Variants in VWA8 observed in about 807,000 individuals in gnomAD.
VWA8 encodes the protein von Willebrand factor A domain-containing protein 8.
Under a neutral mutation model 241.5 loss-of-function variants are expected in VWA8, and 221 were observed. The observed-to-expected ratio is 0.91, with a 90% CI of 0.82 to 1.02. The LOEUF is 1.02. Among genes scored for constraint, VWA8 ranks in the 50% least tolerant of loss-of-function variants. VWA8 has a pLI of 0.00. For missense variants in VWA8, 2,322 were observed against 2,328.7 expected (o/e 1.00, Z 0.06); for synonymous variants, 852 against 827.1 (o/e 1.03, Z -0.52).
rs546576715 is a variant in VWA8, at chr13:41,953,681, T to C, written c.164-3668A>G. Among the ~76,000 whole-genome samples, 7 of 152,230 alleles carry C rather than the reference T, an allele frequency of 4.6e-5. No homozygotes were observed. In the South Asian group the frequency reaches 1.5e-3, roughly 32 times the overall value. On this transcript the variant is annotated intron_variant, in intron 1 of 44. Coordinates refer to ENST00000379310, the MANE Select transcript of VWA8 (RefSeq NM_015058.2). ...TTAGCTGAGCGTGGTGGCTGGCACA[T>C]GCCTGTAATCCTAGCTACTTGGGAG...
intron 9 of VWA8, 61 bp from the exon 10 acceptor site, chr13:41,868,538 C>T: frequency 6.5e-7 from 1 of 1,534,410 alleles, no homozygotes; most frequent in Non-Finnish European, 8.8e-7. Context: ...CATTGGCTAT[C>T]TGACAGATTA....
chr13:41,740,929 C>A (rs1191596264), intron 21 of VWA8, among the ~76,000 whole-genome samples: 1 of 152,148 alleles, frequency 6.6e-6, no homozygotes, highest in Non-Finnish European at 1.5e-5. Context: ...GGCATGTTTA[C>A]AGAGGCAAAA....
chr13:41,872,410 C>T lies in VWA8; in HGVS notation c.1081-3933G>A, dbSNP rs910539651. 6.6e-5 allele frequency among the ~76,000 whole-genome samples: 10 copies of T among 152,048 alleles called. No homozygotes were observed. The South Asian group carries it at 8.3e-4, about 13-fold the overall frequency. ...CCTATGCCCTGAATGGTAATGCCTA[C>T]GTTTTCTTCTAGGGTTTTTATGGTT... On this transcript the variant is annotated intron_variant, in intron 9 of 44. Transcript: ENST00000379310.
At chr13:41,913,912 G>T (rs1174548274) in intron 2 of VWA8, among the ~76,000 whole-genome samples, 1 of 152,210 alleles carries the variant, frequency 6.6e-6, no homozygotes, top group Non-Finnish European at 1.5e-5. Context: ...GTTCCTGGAA[G>T]GGGGACTTGA....
chr13:41,725,751 G>A (rs575891460), intron 24 of VWA8, among the ~76,000 whole-genome samples: 411 of 152,230 alleles, frequency 2.7e-3, no homozygotes, highest in Middle Eastern at 6.8e-3. Context: ...GAGTGGCTTG[G>A]GGTATAAGGG....
In VWA8 at chr13:41,941,816, C is replaced by G. The variant is rs148983366; in HGVS notation, c.241+8120G>C. Among the ~76,000 whole-genome samples the G allele has an allele frequency of 5.7e-4, 87 of 152,070 alleles. 2 individuals carry two copies. In the East Asian group the frequency reaches 0.016, roughly 28 times the overall value. On this transcript the variant is annotated intron_variant, in intron 2 of 44. Coordinates refer to ENST00000379310, the MANE Select transcript of VWA8 (RefSeq NM_015058.2). Reference sequence around the variant, plus strand: ...TATCTGTGAAGTTGAAACAATCACCCCTATACAGTCAAGGAGGCTCAGAGC... The same window carrying G: ...TATCTGTGAAGTTGAAACAATCACCGCTATACAGTCAAGGAGGCTCAGAGC...
chr13:41,841,658 C>T (rs1439239792), intron 12 of VWA8, among the ~76,000 whole-genome samples: 19 of 148,204 alleles, frequency 1.3e-4, no homozygotes, highest in Admixed American at 5.4e-4. Context: ...TGGTGGCGGG[C>T]GCCTGTAGTC....
At chr13:41,689,566 T>G in intron 33 of VWA8, 58 bp from the exon 34 acceptor site, 5 of 1,422,478 alleles carry the variant, frequency 3.5e-6, no homozygotes, top group Non-Finnish European at 4.6e-6. Flanking sequence ...GAATTAATTT[T>G]TTGCAAGATT....
intron 17 of VWA8, among the ~76,000 whole-genome samples, chr13:41,800,630 T>C (rs1345619368): frequency 6.2e-5 from 3 of 48,696 alleles, no homozygotes; most frequent in Non-Finnish European, 1.1e-4. Flanking sequence ...CTACTAAAAA[T>C]ACAAAAAAAA....
intron 35 of VWA8, among the ~76,000 whole-genome samples, chr13:41,680,096 A>C (rs912243676): frequency 1.3e-4 from 19 of 151,934 alleles, no homozygotes; most frequent in African/African-American, 4.4e-4. Flanking sequence ...CAGTGCTTAT[A>C]TTATTATAAT....
chr13:41,825,733 A>G (rs565329269), intron 14 of VWA8, among the ~76,000 whole-genome samples: 1 of 152,366 alleles, frequency 6.6e-6, no homozygotes, highest in Non-Finnish European at 1.5e-5. Flanking sequence ...ACTATTAGAA[A>G]TAATCACTTT....
At chr13:41,622,093 A>G (rs1004518441) in intron 37 of VWA8, among the ~76,000 whole-genome samples, 9 of 152,208 alleles carry the variant, frequency 5.9e-5, no homozygotes, top group African/African-American at 2.2e-4. Context: ...CATTTTATGA[A>G]TGCCACTCAC....
intron 12 of VWA8, among the ~76,000 whole-genome samples, chr13:41,846,460 A>C (rs185076747): frequency 2.6e-5 from 4 of 152,288 alleles, no homozygotes; most frequent in Non-Finnish European, 2.9e-5. Context: ...AAATGAGTAA[A>C]ATATCTTTAG....
chr13:41,901,889 A>AAAATAT (rs1566500253), intron 4 of VWA8, among the ~76,000 whole-genome samples: 2 of 83,342 alleles, frequency 2.4e-5, no homozygotes, highest in African/African-American at 1.0e-4. Context: ...AAAAAAAAAA[A>AAAATAT]ATATATATAT....
At position 41,895,309 on chromosome 13, in the gene VWA8, A is replaced by C. The variant is rs539342122; in HGVS notation, c.484-3722T>G. Among the ~76,000 whole-genome samples, 256 of 152,318 alleles carry C rather than the reference A, an allele frequency of 1.7e-3. 2 individuals carry two copies. Among genetic ancestry groups the C allele is most frequent in the African/African-American group, 5.7e-3 (235 of 41,568 alleles). Reference sequence around the variant, plus strand: ...TTGAAAATTGCATGGCTAAAATTTTAGCCTGTCCTTAAATTGAAAGAAAAC... The same window carrying C: ...TTGAAAATTGCATGGCTAAAATTTTCGCCTGTCCTTAAATTGAAAGAAAAC... On this transcript the variant is annotated intron_variant, in intron 4 of 44. Coordinates refer to ENST00000379310, the MANE Select transcript of VWA8 (RefSeq NM_015058.2).
chr13:41,831,152 A>C (rs920148405), intron 13 of VWA8, among the ~76,000 whole-genome samples: 4 of 152,230 alleles, frequency 2.6e-5, no homozygotes, highest in Admixed American at 6.5e-5. Flanking sequence ...CACACATAGC[A>C]TAGTCTTCCA....
Position 41,889,693 on chromosome 13 carries a change from G to A in VWA8, c.651+1727C>T, listed in dbSNP as rs184910430. Among the ~76,000 whole-genome samples the A allele has an allele frequency of 2.8e-4, 42 of 152,144 alleles. 1 individual carries two copies. In the East Asian group the frequency reaches 7.7e-3, roughly 28 times the overall value. ...TGCACCCAGCCACTAAACCTCTTTTGACTCGCATATCCTGAATTCCTATCC... is the reference window on the plus strand; with the variant it reads ...TGCACCCAGCCACTAAACCTCTTTTAACTCGCATATCCTGAATTCCTATCC... On this transcript the variant is annotated intron_variant, in intron 5 of 44. Transcript: ENST00000379310.
rs2045233929 is a variant in VWA8 at position 41,699,176 on chromosome 13, A to G, written c.3459T>C (p.Phe1153=). ...TGGCTGTTCTTGGGAAGATATCAAA[A>G]AAGTCCACAAAGAAGCCACTTTTCC... ...MTGKSGFFVD[F]FDIFPRTANG... is the part of the protein sequence containing the mutation. The change falls in exon 29 of 45, where the codon TTT becomes TTC. Residue 1153 remains phenylalanine (F), a synonymous_variant. Transcript: ENST00000379310. 3.1e-6 allele frequency: 5 copies of G among 1,614,194 alleles called. No homozygotes were observed. Among genetic ancestry groups the G allele is most frequent in the East Asian group, 4.5e-5 (2 of 44,874 alleles).
chr13:41,953,435 T>A (rs1263268263), intron 1 of VWA8, among the ~76,000 whole-genome samples: 2 of 152,240 alleles, frequency 1.3e-5, no homozygotes. Flanking sequence ...ATGATCAGAA[T>A]GCATATCCTT....
Sources: allele counts gnomAD v4.1 joint callset (sites outside exome capture counted in the v4.1 genomes callset), GRCh38; gene constraint gnomAD v4.1.1; transcripts MANE v1.5; gene names NCBI Gene and HGNC (gene_info 2026-07-23, HGNC 2026-07-21).